CBX7: variants seen among roughly 807,000 people sequenced by gnomAD.
CBX7 encodes the protein chromobox 7, also known as chromobox protein homolog 7.
CBX7 carries 14 observed loss-of-function variants against 31.4 expected under a neutral mutation model. The observed-to-expected ratio is 0.45, with a 90% CI of 0.29 to 0.70. The LOEUF (loss-of-function observed/expected upper bound fraction) is 0.70. CBX7 is among the 30% of genes least tolerant of loss of function. The probability of loss-of-function intolerance (pLI) is 0.11; values close to 1 mark genes in which losing one functional copy is unlikely to be tolerated. For synonymous variants in CBX7, 159 were observed against 152.6 expected, an observed-to-expected ratio of 1.04 and a Z score of -0.31; for missense variants, 269 against 351.9, an observed-to-expected ratio of 0.76 and a Z score of 1.89.
At chr22:39,147,635 C>G (rs1930708695) in intron 2 of CBX7, 1 of 152,080 alleles carries the variant, frequency 6.6e-6, no homozygotes, top group Non-Finnish European at 1.5e-5. Flanking sequence ...CTGTTTCCCC[C>G]AAGTGAGGTG....
intron 2 of CBX7, among the ~76,000 whole-genome samples, chr22:39,145,512 G>C (rs890513871): frequency 2.6e-5 from 4 of 152,160 alleles, no homozygotes; most frequent in African/African-American, 9.6e-5. Flanking sequence ...AAAGGAGCCA[G>C]GGCTCTGGGG....
At position 39,151,602 on chromosome 22, in the gene CBX7, G is replaced by A. The variant is rs1023272493; in HGVS notation, c.69+774C>T. ...AGGACAGTAGTGCGTACCAGGAAAG[G>A]AACTTCTCCCCAAGGATTTCCCCAG... On this transcript the variant is annotated intron_variant, in intron 1 of 5. Coordinates refer to ENST00000216133, the MANE Select transcript of CBX7 (RefSeq NM_175709.5). Among the ~76,000 whole-genome samples the A allele has an allele frequency of 2.0e-5, 3 of 152,318 alleles. No homozygotes were observed. In the East Asian group the frequency reaches 5.8e-4, roughly 29 times the overall value.
rs1930083647 is a variant in CBX7 at position 39,132,546 on chromosome 22, C to G, written c.*1345G>C. 3 of 152,548 alleles carry G rather than the reference C, an allele frequency of 2.0e-5. No individual in the cohort carries two copies. Among genetic ancestry groups the G allele is most frequent in the African/African-American group, 7.2e-5 (3 of 41,450 alleles). The allele number at this position is 152,548 out of a possible 1,614,324, so 9.4% of individuals were successfully genotyped here. The stretch of plus-strand genomic sequence containing the variant: ...TGTACAAACCAGAAAACAAGTGCAC[C>G]TTGCCAGGGGTGGGCTGGGGCAAAG... On this transcript the variant is annotated 3_prime_UTR_variant, in exon 6 of 6. Transcript: ENST00000216133.
chr22:39,143,294 T>C (rs6001454), intron 2 of CBX7, among the ~76,000 whole-genome samples: 1 of 151,050 alleles, frequency 6.6e-6, no homozygotes, highest in African/African-American at 2.4e-5. Context: ...ATTTTAAAAT[T>C]AAAAAAAACT....
chr22:39,143,383 C>T (rs984069326), intron 2 of CBX7, among the ~76,000 whole-genome samples: 1 of 151,794 alleles, frequency 6.6e-6, no homozygotes, highest in African/African-American at 2.4e-5. Context: ...TACAGCCATA[C>T]ATGTTTATGT....
intron 3 of CBX7, among the ~76,000 whole-genome samples, chr22:39,139,960 G>T (rs1213919945): frequency 6.6e-6 from 1 of 151,896 alleles, no homozygotes; most frequent in African/African-American, 2.4e-5. Context: ...ACTTGACAAT[G>T]CCACGAAGCT....
Position 39,141,365 on chromosome 22 carries a change from C to A in CBX7, c.179+6G>T. The A allele has an allele frequency of 1.2e-6, 2 of 1,610,590 alleles. No homozygotes were observed. The highest frequency in any genetic ancestry group is 1.7e-6 in the Non-Finnish European group (2 of 1,178,748). On this transcript the variant is annotated splice_donor_region_variant and intron_variant, in intron 3 of 5. Transcript: ENST00000216133. ...GCCCCACCCGGCGGTGCCGAGGACA[C>A]CGTACTTCTCCTCGTAGGCCATGAC...
At chr22:39,146,719 C>T (rs1015416733) in intron 2 of CBX7, among the ~76,000 whole-genome samples, 2 of 152,216 alleles carry the variant, frequency 1.3e-5, no homozygotes, top group African/African-American at 2.4e-5. Context: ...ATGCCTGATT[C>T]ATAATAGGGG....
chr22:39,152,407 A>C lies in CBX7; in HGVS notation c.38T>G (p.Val13Gly). 2 of 1,365,100 alleles carry C rather than the reference A, an allele frequency of 1.5e-6. No individual in the cohort carries two copies. The highest frequency in any genetic ancestry group is 1.9e-6 in the Non-Finnish European group (2 of 1,050,766). The allele number at this position is 1,365,100 out of a possible 1,614,324, so 84.6% of individuals were successfully genotyped here. The stretch of plus-strand genomic sequence containing the variant: ...CACGCGCTTCTTCCGGATGCTCTCC[A>C]CGGCGAACACCTGCTCGCCGATGGC... ...LSAIGEQVFA[V>G]ESIRKKRVRK... is the part of the protein sequence containing the mutation. The change falls in exon 1 of 6, where the codon GTG (valine) becomes GGG (glycine). Residue 13 changes from valine to glycine, a missense_variant. By Grantham distance (109) the Val-to-Gly change is moderately radical. Around this residue, in one of 2 missense-constraint regions of CBX7, gnomAD observed 47 missense variants for 111.5 expected, o/e 0.42. Coordinates refer to ENST00000216133, the MANE Select transcript of CBX7 (RefSeq NM_175709.5). The surrounding 1 kb of genome is among the most constrained non-coding windows in gnomAD (Gnocchi z 4.9).
chr22:39,151,597 G>A (rs1930854144), intron 1 of CBX7, among the ~76,000 whole-genome samples: 1 of 152,212 alleles, frequency 6.6e-6, no homozygotes, highest in Non-Finnish European at 1.5e-5. Flanking sequence ...TGCGTACCAG[G>A]AAAGGAACTT....
chr22:39,144,568 G>C (rs533284912), intron 2 of CBX7, among the ~76,000 whole-genome samples: 244 of 152,340 alleles, frequency 1.6e-3, no homozygotes, highest in Non-Finnish European at 2.9e-3. Flanking sequence ...TGCCGAAAGC[G>C]AAACTACAGC....
At chr22:39,148,795 C>T (rs1930749121) in intron 2 of CBX7, 1 of 152,340 alleles carries the variant, frequency 6.6e-6, no homozygotes, top group African/African-American at 2.4e-5. Context: ...TTTCTGAACC[C>T]ATTTTGCAGA....
Position 39,144,060 on chromosome 22 carries a change from AG to A in CBX7, c.114-2625del, listed in dbSNP as rs1951618223. 2.6e-5 allele frequency among the ~76,000 whole-genome samples: 4 copies of A among 152,306 alleles called. No individual in the cohort carries two copies. In the South Asian group the frequency reaches 8.3e-4, roughly 32 times the overall value. ...TTAAAAGGCAGAAAGAGCCTGGGAG[AG>A]CCCCTGCCCTGCCGCCTCCCAATCC... On this transcript the variant is annotated intron_variant, in intron 2 of 5. Coordinates refer to ENST00000216133, the MANE Select transcript of CBX7 (RefSeq NM_175709.5).
At chr22:39,151,321 C>T (rs1458676506) in intron 1 of CBX7, among the ~76,000 whole-genome samples, 1 of 152,192 alleles carries the variant, frequency 6.6e-6, no homozygotes, top group Non-Finnish European at 1.5e-5. Context: ...TGCTCCTGAC[C>T]ACCTTGACCT....
At position 39,134,682 on chromosome 22, in the gene CBX7, G is replaced by A. The variant is rs374705952; in HGVS notation, c.317C>T (p.Thr106Met). ...AGGGCTCCCGCTGCCGAGTGGGCAC[G>A]TCAGGGAGAAGCAGAGCTTCTCCTT... ...KGKEKLCFSL[T>M]CPLGSGSPEG... The change falls in exon 5 of 6, where the codon ACG becomes ATG. Residue 106 changes from threonine (T) to methionine (M), a missense_variant. Coordinates refer to ENST00000216133, the MANE Select transcript of CBX7 (RefSeq NM_175709.5). 6.7e-5 allele frequency: 106 copies of A among 1,586,350 alleles called. No individual in the cohort carries two copies. The highest frequency in any genetic ancestry group is 8.3e-5 in the Non-Finnish European group (97 of 1,165,830).
At chr22:39,147,075 CAA>C (rs1482136909) in intron 2 of CBX7, 2 of 127,742 alleles carry the variant, frequency 1.6e-5, no homozygotes, top group African/African-American at 2.9e-5. Flanking sequence ...AGGCCTGGCA[CAA>C]AGTGTCCACT....
chr22:39,133,630 G>C lies in CBX7; in HGVS notation c.*261C>G, dbSNP rs1930126583. 2 of 351,392 alleles carry C rather than the reference G, an allele frequency of 5.7e-6. No homozygotes were observed. The highest frequency in any genetic ancestry group is 1.0e-5 in the Non-Finnish European group (2 of 193,594). 21.8% of individuals were successfully genotyped at this position (351,392 alleles called of 1,614,324 possible). On this transcript the variant is annotated 3_prime_UTR_variant, in exon 6 of 6. Coordinates refer to ENST00000216133, the MANE Select transcript of CBX7 (RefSeq NM_175709.5). ...GAGAATGATAATGGTGGTGTCCCGG[G>C]CAGGTGATCCTGTCCCCATCCTGCC...
At chr22:39,146,973 T>C (rs1410716288) in intron 2 of CBX7, 1 of 152,136 alleles carries the variant, frequency 6.6e-6, no homozygotes, top group Non-Finnish European at 1.5e-5. Flanking sequence ...CCTGTGCCAT[T>C]TGCTGTGCTT....
intron 2 of CBX7, chr22:39,149,417 T>G (rs1189242930): frequency 2.8e-6 from 1 of 360,030 alleles, no homozygotes; most frequent in African/African-American, 2.1e-5. Flanking sequence ...TGCAGCACTG[T>G]GCTTAAAGCA....
Sources: allele counts gnomAD v4.1 joint callset (sites outside exome capture counted in the v4.1 genomes callset), GRCh38; gene constraint gnomAD v4.1.1; regional missense constraint gnomAD v4.1.1; non-coding constraint Gnocchi (gnomAD v3.1); transcripts MANE v1.5; gene names NCBI Gene and HGNC (gene_info 2026-07-23, HGNC 2026-07-21).